The following MCTP2 variants were observed in gnomAD, a reference collection of about 807,000 sequenced individuals.
The protein encoded by MCTP2 is multiple C2 and transmembrane domain-containing protein 2.
A neutral mutation model predicts 111.6 loss-of-function variants in MCTP2; 132 were observed. That is an observed-to-expected ratio of 1.18 (90% CI 1.03 to 1.37). The LOEUF is 1.37. Ranked by LOEUF, MCTP2 falls within the 40% of genes most tolerant of loss-of-function variation. MCTP2 has a pLI of 0.00. For missense variants in MCTP2, 1,183 were observed against 1,067.9 expected (o/e 1.11, Z -1.50); for synonymous variants, 395 against 387.7 (o/e 1.02, Z -0.22).
chr15:94,289,322 C>T (rs1450468226), intron 1 of MCTP2, among the ~76,000 whole-genome samples: 2 of 152,202 alleles, frequency 1.3e-5, no homozygotes, highest in Non-Finnish European at 2.9e-5. Context: ...GAAAATGGCA[C>T]ATCCGTTTTT....
chr15:94,386,090 T>C (rs542648829), intron 14 of MCTP2, among the ~76,000 whole-genome samples: 34 of 152,054 alleles, frequency 2.2e-4, no homozygotes, highest in African/African-American at 8.2e-4. Flanking sequence ...AGTCCAGCTA[T>C]AAGATAATGC....
chr15:94,315,790 G>A (rs1290082525), intron 4 of MCTP2, among the ~76,000 whole-genome samples, 153 bp downstream of exon 4: 1 of 152,226 alleles, frequency 6.6e-6, no homozygotes, highest in Non-Finnish European at 1.5e-5. Flanking sequence ...GACATTTGCA[G>A]TGAATCATTT....
intron 8 of MCTP2, among the ~76,000 whole-genome samples, chr15:94,347,522 C>T (rs572955257): frequency 6.6e-6 from 1 of 151,978 alleles, no homozygotes; most frequent in Admixed American, 6.6e-5. Context: ...TTTGTAGATT[C>T]TTTTTTTCAA....
chr15:94,391,702 T>C (rs541787143), intron 14 of MCTP2, among the ~76,000 whole-genome samples: 7 of 152,324 alleles, frequency 4.6e-5, no homozygotes, highest in Non-Finnish European at 1.0e-4. Context: ...AAATTTCCTA[T>C]TGGTTCTAGA....
At chr15:94,273,129 G>A (rs1037901760) in intron 1 of MCTP2, among the ~76,000 whole-genome samples, 2 of 152,192 alleles carry the variant, frequency 1.3e-5, no homozygotes, top group African/African-American at 2.4e-5. Flanking sequence ...TTTAGTGAGT[G>A]CCGTTAATGC....
chr15:94,291,313 G>A (rs2075019157), intron 1 of MCTP2, among the ~76,000 whole-genome samples: 1 of 152,078 alleles, frequency 6.6e-6, no homozygotes, highest in African/African-American at 2.4e-5. Flanking sequence ...AAAAAATAAT[G>A]AAAGTGAGGC....
At chr15:94,380,102 T>C (rs2080044295) in intron 12 of MCTP2, among the ~76,000 whole-genome samples, 1 of 152,014 alleles carries the variant, frequency 6.6e-6, no homozygotes, top group Non-Finnish European at 1.5e-5. Context: ...ACTTTCATGC[T>C]CTCGTCTGCA....
intron 20 of MCTP2, among the ~76,000 whole-genome samples, chr15:94,463,337 T>A (rs933457805): frequency 2.6e-5 from 4 of 152,182 alleles, no homozygotes; most frequent in Admixed American, 2.6e-4. Flanking sequence ...TGAAATATAT[T>A]CCTGAGTACT....
intron 20 of MCTP2, among the ~76,000 whole-genome samples, chr15:94,468,927 C>G (rs1005309161): frequency 6.6e-6 from 1 of 152,158 alleles, no homozygotes; most frequent in Non-Finnish European, 1.5e-5. Flanking sequence ...CATGCCCAGC[C>G]TCAGTCTTAA....
intron 19 of MCTP2, among the ~76,000 whole-genome samples, chr15:94,447,858 G>A (rs1274683385): frequency 6.6e-6 from 1 of 152,192 alleles, no homozygotes; most frequent in Non-Finnish European, 1.5e-5. Context: ...CACCTTCAGG[G>A]ATATACAATT....
intron 1 of MCTP2, among the ~76,000 whole-genome samples, chr15:94,297,735 A>T (rs570772926): frequency 1.3e-5 from 2 of 152,326 alleles, no homozygotes; most frequent in South Asian, 4.1e-4. Context: ...GACAGACACC[A>T]TCTGGCCCAC....
At chr15:94,437,017 G>A (rs1331246402) in intron 17 of MCTP2, among the ~76,000 whole-genome samples, 1 of 147,036 alleles carries the variant, frequency 6.8e-6, no homozygotes, top group Non-Finnish European at 1.5e-5. Context: ...AAAATTATAG[G>A]AACAGATTAT....
chr15:94,367,307 T>G (rs922713391), intron 10 of MCTP2, among the ~76,000 whole-genome samples: 2 of 152,212 alleles, frequency 1.3e-5, no homozygotes, highest in Non-Finnish European at 2.9e-5. Context: ...CTTTCTAATT[T>G]TTGATCTTAT....
chr15:94,348,517 C>T (rs1044000552), intron 8 of MCTP2, among the ~76,000 whole-genome samples: 2 of 75,310 alleles, frequency 2.7e-5, no homozygotes, highest in African/African-American at 9.5e-5. Context: ...ATGAACTGCT[C>T]CGTGACCAGA....
intron 19 of MCTP2, among the ~76,000 whole-genome samples, chr15:94,445,767 G>A (rs2084081928): frequency 6.6e-6 from 1 of 152,234 alleles, no homozygotes; most frequent in Non-Finnish European, 1.5e-5. Context: ...AACACACTCA[G>A]TGAGAGATGA....
chr15:94,478,882 G>A lies in MCTP2; in HGVS notation c.2569-84G>A, dbSNP rs1409197578. On this transcript the variant is annotated intron_variant, in intron 22 of 22. Coordinates refer to ENST00000357742, the MANE Select transcript of MCTP2 (RefSeq NM_001385001.1). ...TTTGAACCTTCCTTCCTTTGCCTTC[G>A]GTTGTCCTTGGGGAGCCATTAGCAC... 5 of 1,154,218 alleles carry A rather than the reference G, an allele frequency of 4.3e-6. No homozygotes were observed. The East Asian group carries it at 7.2e-5, about 17-fold the overall frequency. 71.5% of individuals were successfully genotyped at this position (1,154,218 alleles called of 1,614,324 possible).
chr15:94,297,499 A>C (rs570549486), intron 1 of MCTP2, among the ~76,000 whole-genome samples: 65 of 152,258 alleles, frequency 4.3e-4, no homozygotes, highest in Non-Finnish European at 7.6e-4. Flanking sequence ...CCTGTATGTG[A>C]ATATAAATTT....
At chr15:94,273,167 G>C (rs893300585) in intron 1 of MCTP2, among the ~76,000 whole-genome samples, 2 of 152,196 alleles carry the variant, frequency 1.3e-5, no homozygotes, top group Non-Finnish European at 2.9e-5. Context: ...AATACCTGTT[G>C]TCTTTACTGA....
At chr15:94,390,652 T>C (rs2080900964) in intron 14 of MCTP2, among the ~76,000 whole-genome samples, 1 of 151,994 alleles carries the variant, frequency 6.6e-6, no homozygotes, top group Non-Finnish European at 1.5e-5. Flanking sequence ...AAAGCATGCA[T>C]ATATTGGTAT....
Sources: gnomAD v4.1 joint callset for allele counts (sites outside exome capture counted in the v4.1 genomes callset) on GRCh38, gnomAD v4.1.1 for gene constraint, MANE v1.5 for transcripts, NCBI Gene and HGNC (gene_info 2026-07-23, HGNC 2026-07-21) for gene names.